SAMD4A: variants seen among roughly 807,000 people sequenced by gnomAD.
SAMD4A encodes sterile alpha motif domain containing 4A, also known as protein Smaug homolog 1.
In SAMD4A, 33 loss-of-function variants were observed where a neutral mutation model predicts 81.3. The ratio of observed to expected loss-of-function variants is 0.41; its 90% CI spans 0.31 to 0.54. SAMD4A has a LOEUF of 0.54. Among genes scored for constraint, SAMD4A ranks in the 20% least tolerant of loss-of-function variants. The pLI is 0.37. For synonymous variants in SAMD4A, 389 were observed against 382.1 expected (o/e 1.02, Z -0.21); for missense variants, 854 against 951.1 (o/e 0.90, Z 1.34).
At chr14:54,662,251 GA>G (rs1327239176) in intron 2 of SAMD4A, among the ~76,000 whole-genome samples, 1 of 152,182 alleles carries the variant, frequency 6.6e-6, no homozygotes, top group Non-Finnish European at 1.5e-5. Flanking sequence ...AACACCTGTG[GA>G]TATTTTGCTC....
At chr14:54,716,370 C>G (rs1168771875) in intron 3 of SAMD4A, among the ~76,000 whole-genome samples, 1 of 152,154 alleles carries the variant, frequency 6.6e-6, no homozygotes, top group Non-Finnish European at 1.5e-5. Flanking sequence ...TCTCAGAAGA[C>G]AAGGGCTGAC....
chr14:54,777,206 C>T (rs926056083), intron 11 of SAMD4A, among the ~76,000 whole-genome samples: 2 of 151,962 alleles, frequency 1.3e-5, no homozygotes, highest in East Asian at 1.9e-4. Flanking sequence ...GACCCCCCCC[C>T]ACCCCCACTG....
In SAMD4A at chr14:54,667,595, G is replaced by A. The variant is rs79249978; in HGVS notation, c.197-34467G>A. On this transcript the variant is annotated intron_variant, in intron 2 of 12. Coordinates refer to ENST00000554335, the MANE Select transcript of SAMD4A (RefSeq NM_015589.6). ...TCTTCCACATCCTGCTATTCACCTGGGATCACCAGCCTCTCTGTTGCCTTC... is the reference window on the plus strand; with the variant it reads ...TCTTCCACATCCTGCTATTCACCTGAGATCACCAGCCTCTCTGTTGCCTTC... Among the ~76,000 whole-genome samples the A allele has an allele frequency of 0.018, 2,789 of 152,192 alleles. 172 individuals carry two copies. In the East Asian group the frequency reaches 0.25, roughly 13 times the overall value.
chr14:54,589,455 T>TTAGCAATATAAGTAGCAATATAAG (rs2033716461), intron 2 of SAMD4A, among the ~76,000 whole-genome samples: 1 of 152,196 alleles, frequency 6.6e-6, no homozygotes, highest in Non-Finnish European at 1.5e-5. Context: ...CAAGTTTATG[T>TTAGCAATATAAGTAGCAATATAAG]TAGCAATATA....
intron 2 of SAMD4A, among the ~76,000 whole-genome samples, chr14:54,628,810 A>T (rs1214695763): frequency 6.6e-6 from 1 of 152,186 alleles, no homozygotes; most frequent in African/African-American, 2.4e-5. Flanking sequence ...GAACCTCTAC[A>T]GTGTGGCTCC....
At chr14:54,725,454 G>A (rs1052090479) in intron 3 of SAMD4A, among the ~76,000 whole-genome samples, 1 of 152,228 alleles carries the variant, frequency 6.6e-6, no homozygotes, top group African/African-American at 2.4e-5. Flanking sequence ...GATTTTGAAA[G>A]AGCAAGGTGA....
At position 54,702,228 on chromosome 14, in the gene SAMD4A, G is replaced by A; in HGVS notation, c.363G>A (p.Glu121=). ...HSIEHNQHIE[E]SRQLLSYALI... is the part of the protein sequence containing the mutation. Reference sequence around the variant, plus strand: ...TTGAACACAACCAGCACATTGAGGAGAGCAGGCAGCTGCTGTCCTATGCTT... The same window carrying A: ...TTGAACACAACCAGCACATTGAGGAAAGCAGGCAGCTGCTGTCCTATGCTT... The change falls in exon 3 of 13, where the codon GAG becomes GAA. Residue 121 remains glutamate, a synonymous_variant. Coordinates refer to ENST00000554335, the MANE Select transcript of SAMD4A (RefSeq NM_015589.6). 1 of 1,614,190 alleles carries A rather than the reference G, an allele frequency of 6.2e-7. No individual in the cohort carries two copies. The highest frequency in any genetic ancestry group is 8.5e-7 in the Non-Finnish European group (1 of 1,180,018).
intron 2 of SAMD4A, among the ~76,000 whole-genome samples, chr14:54,650,132 CAGAA>C (rs2035372792): frequency 6.6e-6 from 1 of 152,144 alleles, no homozygotes; most frequent in Admixed American, 6.5e-5. Context: ...CCAAAGTCAA[CAGAA>C]AGAAAGTGAA....
chr14:54,697,473 C>A (rs2036605138), intron 2 of SAMD4A, among the ~76,000 whole-genome samples: 1 of 152,186 alleles, frequency 6.6e-6, no homozygotes, highest in African/African-American at 2.4e-5. Context: ...TCAGTTCATT[C>A]TCTCCTTGAG....
At chr14:54,771,482 T>C (rs1004045202) in intron 9 of SAMD4A, among the ~76,000 whole-genome samples, 11 of 152,100 alleles carry the variant, frequency 7.2e-5, no homozygotes, top group African/African-American at 2.4e-4. Flanking sequence ...CAGAAAAGAT[T>C]GTTCAGGCAA....
chr14:54,691,046 T>C (rs559973521), intron 2 of SAMD4A, among the ~76,000 whole-genome samples: 7 of 152,234 alleles, frequency 4.6e-5, no homozygotes, highest in South Asian at 4.1e-4. Context: ...GCAGGGTGCT[T>C]ACAACACAGC....
At chr14:54,696,769 A>T (rs1341723650) in intron 2 of SAMD4A, 1 of 152,218 alleles carries the variant, frequency 6.6e-6, no homozygotes, top group Non-Finnish European at 1.5e-5. Flanking sequence ...CTGGTTTACA[A>T]ATTATAAATC....
rs577494940 is a variant in SAMD4A, at chr14:54,652,324, T to C, written c.197-49738T>C. ...TAACAGTGATCTAAAAGCGAAAGAA[T>C]GTAGCTAACCAGTGTCATTTGGGAT... On this transcript the variant is annotated intron_variant, in intron 2 of 12. Coordinates refer to ENST00000554335, the MANE Select transcript of SAMD4A (RefSeq NM_015589.6). Among the ~76,000 whole-genome samples the C allele has an allele frequency of 3.9e-4, 59 of 152,310 alleles. 1 individual carries two copies. The South Asian group carries it at 0.012, about 30-fold the overall frequency.
At position 54,567,659 on chromosome 14, in the gene SAMD4A, T is replaced by TA. The variant is rs60147860; in HGVS notation, c.-258_-257insA. The TA allele has an allele frequency of 0.25, 104,509 of 414,742 alleles. 18,088 individuals are homozygous for TA. The highest frequency in any genetic ancestry group is 0.56 in the East Asian group (11,766 of 20,998). 25.7% of individuals were successfully genotyped at this position (414,742 alleles called of 1,614,324 possible). A position where few individuals can be genotyped will look rare whatever the true frequency, so the allele number is the denominator to read the frequency against. Reference sequence around the variant, plus strand: ...TTGTGGGGGATTTTTAAAAAGTCGTTTTTTTTTTTAAAGAAACATTTCCGT... The same window carrying TA: ...TTGTGGGGGATTTTTAAAAAGTCGTTATTTTTTTTTAAAGAAACATTTCCGT... On this transcript the variant is annotated 5_prime_UTR_variant, in exon 2 of 13. Transcript: ENST00000554335.
intron 7 of SAMD4A, among the ~76,000 whole-genome samples, chr14:54,763,758 C>G (rs2038465797): frequency 6.6e-6 from 1 of 152,190 alleles, no homozygotes; most frequent in South Asian, 2.1e-4. Context: ...ATCGTCACCT[C>G]TACAATGAGA....
intron 2 of SAMD4A, among the ~76,000 whole-genome samples, chr14:54,577,783 C>T (rs1024324065): frequency 1.3e-5 from 2 of 151,894 alleles, no homozygotes; most frequent in South Asian, 2.1e-4. Flanking sequence ...GACAGAATGG[C>T]GGGGGGGCAC....
At chr14:54,699,066 T>C (rs1441804451) in intron 2 of SAMD4A, among the ~76,000 whole-genome samples, 1 of 152,206 alleles carries the variant, frequency 6.6e-6, no homozygotes, top group African/African-American at 2.4e-5. Flanking sequence ...TCTTTAAATG[T>C]ACATTTTCAA....
chr14:54,712,597 C>T (rs533596624), intron 3 of SAMD4A, among the ~76,000 whole-genome samples: 8 of 152,256 alleles, frequency 5.3e-5, no homozygotes, highest in South Asian at 2.1e-4. Context: ...GGGTTTTTAC[C>T]GGACTGTGTT....
At chr14:54,568,851 G>A (rs948421490) in intron 2 of SAMD4A, among the ~76,000 whole-genome samples, 3 of 151,238 alleles carry the variant, frequency 2.0e-5, no homozygotes, top group Non-Finnish European at 1.5e-5. Flanking sequence ...AATGCTTTTC[G>A]TTAGGAAACT....
Sources: allele counts gnomAD v4.1 joint callset (sites outside exome capture counted in the v4.1 genomes callset), GRCh38; gene constraint gnomAD v4.1.1; transcripts MANE v1.5; gene names NCBI Gene and HGNC (gene_info 2026-07-23, HGNC 2026-07-21).